Variants in TNFAIP8L3 observed in about 807,000 individuals in gnomAD.
The protein encoded by TNFAIP8L3 is tumor necrosis factor alpha-induced protein 8-like protein 3.
In TNFAIP8L3, 7 loss-of-function variants were observed where a neutral mutation model predicts 11.8. The observed-to-expected ratio is 0.59, with a 90% CI of 0.34 to 1.11. TNFAIP8L3 has a LOEUF of 1.11. TNFAIP8L3 is among the 50% of genes most tolerant of loss of function. The pLI, the probability that TNFAIP8L3 is intolerant of heterozygous loss-of-function variation, is 0.03. For synonymous variants in TNFAIP8L3, 98 were observed against 103.8 expected, an observed-to-expected ratio of 0.94 and a Z score of 0.34; for missense variants, 219 against 258.6, an observed-to-expected ratio of 0.85 and a Z score of 1.05.
chr15:51,080,108 T>C (rs183882046), intron 1 of TNFAIP8L3, among the ~76,000 whole-genome samples: 1 of 152,324 alleles, frequency 6.6e-6, no homozygotes, highest in East Asian at 1.9e-4. Flanking sequence ...CTTAGCTTTC[T>C]TTCCCATTCA....
At chr15:51,060,056 A>G (rs2065232810) in intron 1 of TNFAIP8L3, among the ~76,000 whole-genome samples, 1 of 152,172 alleles carries the variant, frequency 6.6e-6, no homozygotes, top group African/African-American at 2.4e-5. Context: ...AGGAATAAAC[A>G]CTCATTGTGC....
chr15:51,058,786 G>T (rs1218113402), intron 1 of TNFAIP8L3, among the ~76,000 whole-genome samples: 1 of 152,148 alleles, frequency 6.6e-6, no homozygotes, highest in Non-Finnish European at 1.5e-5. Flanking sequence ...CTCTACCACT[G>T]CTGTCACGCT....
At chr15:51,059,027 G>A (rs936787490) in intron 1 of TNFAIP8L3, among the ~76,000 whole-genome samples, 1 of 152,230 alleles carries the variant, frequency 6.6e-6, no homozygotes, top group African/African-American at 2.4e-5. Flanking sequence ...TAGCTGTTGT[G>A]CTGTGGTTGT....
At chr15:51,076,606 C>G (rs1369347711) in intron 1 of TNFAIP8L3, among the ~76,000 whole-genome samples, 1 of 152,200 alleles carries the variant, frequency 6.6e-6, no homozygotes, top group African/African-American at 2.4e-5. Context: ...CTGTCCTGCA[C>G]AATCAAGATG....
At chr15:51,088,287 T>A (rs1472958033) in intron 1 of TNFAIP8L3, among the ~76,000 whole-genome samples, 1 of 152,166 alleles carries the variant, frequency 6.6e-6, no homozygotes, top group Non-Finnish European at 1.5e-5. Flanking sequence ...AGTGCTGTAT[T>A]TTTTATGAGA....
intron 1 of TNFAIP8L3, among the ~76,000 whole-genome samples, chr15:51,066,164 CTTTTT>C (rs66617524): frequency 2.4e-5 from 3 of 125,130 alleles, no homozygotes. Flanking sequence ...ACTTTCTTTC[CTTTTT>C]TTTTTTTTTT....
Position 51,056,827 on chromosome 15 carries a change from C to G in TNFAIP8L3, c.*1054G>C, listed in dbSNP as rs755794612. On this transcript the variant is annotated 3_prime_UTR_variant, in exon 2 of 2. Transcript: ENST00000637513. ...GATGGAAAACTCTCTCTCCCCACCC[C>G]CCCATGGAAAGTTTCCCTCTGCAGG... 1.3e-5 allele frequency: 2 copies of G among 152,106 alleles called. No homozygotes were observed. The highest frequency in any genetic ancestry group is 3.4e-3 in the Middle Eastern group (1 of 294). 9.4% of individuals were successfully genotyped at this position (152,106 alleles called of 1,614,324 possible).
At chr15:51,093,986 C>G (rs1292468356) in intron 1 of TNFAIP8L3, among the ~76,000 whole-genome samples, 1 of 152,166 alleles carries the variant, frequency 6.6e-6, no homozygotes, top group Non-Finnish European at 1.5e-5. Flanking sequence ...CCTTCTGGAC[C>G]TTCTCCGCCG....
chr15:51,081,624 T>C (rs753930506), intron 1 of TNFAIP8L3, among the ~76,000 whole-genome samples: 1 of 152,210 alleles, frequency 6.6e-6, no homozygotes, highest in Non-Finnish European at 1.5e-5. Flanking sequence ...GATGACAATT[T>C]GGCAGAGCTA....
intron 1 of TNFAIP8L3, among the ~76,000 whole-genome samples, chr15:51,084,223 C>T (rs966347521): frequency 5.9e-5 from 9 of 151,880 alleles, no homozygotes; most frequent in African/African-American, 2.2e-4. Context: ...TATGTATATA[C>T]GTACATACAG....
intron 1 of TNFAIP8L3, among the ~76,000 whole-genome samples, chr15:51,070,202 TGG>T (rs919615811): frequency 6.6e-6 from 1 of 152,236 alleles, no homozygotes; most frequent in Non-Finnish European, 1.5e-5. Flanking sequence ...GTGAAGCCAC[TGG>T]GGGGTGAATC....
At chr15:51,072,747 G>T (rs1215006090) in intron 1 of TNFAIP8L3, among the ~76,000 whole-genome samples, 1 of 151,880 alleles carries the variant, frequency 6.6e-6, no homozygotes, top group Non-Finnish European at 1.5e-5. Context: ...ATATTGCATA[G>T]ATCTGTTTTT....
upstream of TNFAIP8L3, among the ~76,000 whole-genome samples, chr15:51,095,369 A>C (rs1478913420): frequency 6.6e-6 from 1 of 152,110 alleles, no homozygotes; most frequent in Non-Finnish European, 1.5e-5. Context: ...CCTGGCACCT[A>C]GTGACGAAGT....
chr15:51,101,492 A>G (rs1394815776), intron 1 of TNFAIP8L3, among the ~76,000 whole-genome samples: 1 of 152,034 alleles, frequency 6.6e-6, no homozygotes, highest in African/African-American at 2.4e-5. Flanking sequence ...GTGGTGGTGC[A>G]TGCCTATAAT....
chr15:51,067,592 G>A (rs2065280528), intron 1 of TNFAIP8L3, among the ~76,000 whole-genome samples: 1 of 152,220 alleles, frequency 6.6e-6, no homozygotes, highest in South Asian at 2.1e-4. Context: ...CATTCTGAGG[G>A]ATGAGGGAAA....
At chr15:51,097,407 G>T (rs1454718924), upstream of TNFAIP8L3, among the ~76,000 whole-genome samples, 1 of 152,200 alleles carries the variant, frequency 6.6e-6, no homozygotes, top group Non-Finnish European at 1.5e-5. Context: ...CTTTGGGCAT[G>T]GGGGGGAGAG....
intron 1 of TNFAIP8L3, among the ~76,000 whole-genome samples, chr15:51,066,141 G>A (rs1238030440): frequency 6.8e-6 from 1 of 146,606 alleles, no homozygotes; most frequent in Non-Finnish European, 1.5e-5. Flanking sequence ...CTCACAAACT[G>A]CTTTGAACTT....
At chr15:51,088,835 A>T (rs529694229) in intron 1 of TNFAIP8L3, among the ~76,000 whole-genome samples, 1 of 152,332 alleles carries the variant, frequency 6.6e-6, no homozygotes, top group East Asian at 1.9e-4. Context: ...GACTTCCTCC[A>T]CAAGTGGCTG....
chr15:51,063,904 T>C (rs2065254513), intron 1 of TNFAIP8L3, among the ~76,000 whole-genome samples: 1 of 152,182 alleles, frequency 6.6e-6, no homozygotes, highest in Admixed American at 6.5e-5. Context: ...GTCATGGATA[T>C]AGGCCAGTAC....
Sources: allele counts gnomAD v4.1 joint callset (sites outside exome capture counted in the v4.1 genomes callset), GRCh38; gene constraint gnomAD v4.1.1; transcripts MANE v1.5; gene names NCBI Gene and HGNC (gene_info 2026-07-23, HGNC 2026-07-21).